Variants in KIF5C observed in about 807,000 individuals in gnomAD.
KIF5C encodes kinesin family member 5C, also known as kinesin heavy chain isoform 5C.
Under a neutral mutation model 125.2 loss-of-function variants are expected in KIF5C, and 18 were observed. The ratio of observed to expected loss-of-function variants is 0.14; its 90% CI spans 0.10 to 0.21. The LOEUF is 0.21. KIF5C is among the 10% of genes least tolerant of loss of function. KIF5C has a pLI of 1.00. For missense variants in KIF5C, 780 were observed against 1,183.8 expected (o/e 0.66, Z 5.01); for synonymous variants, 405 against 434.0 (o/e 0.93, Z 0.83).
chr2:148,880,189 T>A (rs12615452), intron 1 of KIF5C, among the ~76,000 whole-genome samples: 84,673 of 151,930 alleles, frequency 0.56, 25,976 homozygotes, highest in South Asian at 0.76. Flanking sequence ...GGTGTGACCC[T>A]GGCTTATCGC....
intron 1 of KIF5C, among the ~76,000 whole-genome samples, chr2:148,900,824 A>G (rs569379875): frequency 5.2e-4 from 79 of 152,250 alleles, no homozygotes; most frequent in African/African-American, 1.9e-3. Flanking sequence ...TTGGAAAGCA[A>G]GTGTAGGAGT....
chr2:148,981,563 T>C lies in KIF5C; in HGVS notation c.1569+2T>C. ...ACAGACGAGCTGGCCCAGAAAACGG[T>C]TGGAGCATTTGTGTCTAGGGGGTGG... On this transcript the variant is annotated splice_donor_variant, in intron 14 of 25. Transcript: ENST00000435030. LOFTEE classifies it high-confidence loss of function. 1 of 1,585,996 alleles carries C rather than the reference T, an allele frequency of 6.3e-7. No individual in the cohort carries two copies.
chr2:148,966,975 A>G (rs940731045), intron 11 of KIF5C, among the ~76,000 whole-genome samples: 1 of 152,144 alleles, frequency 6.6e-6, no homozygotes, highest in African/African-American at 2.4e-5. Context: ...CACCCAGTCT[A>G]TGGTACTTTC....
chr2:149,003,724 A>G (rs1479148265), intron 21 of KIF5C, among the ~76,000 whole-genome samples: 1 of 152,212 alleles, frequency 6.6e-6, no homozygotes, highest in African/African-American at 2.4e-5. Context: ...ACCCTTCCCA[A>G]ACTGTTTATT....
intron 10 of KIF5C, among the ~76,000 whole-genome samples, chr2:148,954,705 A>G (rs1282681528): frequency 6.6e-6 from 1 of 152,170 alleles, no homozygotes. Context: ...TCTTTTCCTG[A>G]TGTGCACTTA....
At chr2:148,902,122 C>T (rs1680928891) in intron 1 of KIF5C, among the ~76,000 whole-genome samples, 2 of 152,162 alleles carry the variant, frequency 1.3e-5, no homozygotes, top group Admixed American at 6.5e-5. Context: ...AATGGAAATC[C>T]TTTCTTTCCC....
chr2:148,881,718 T>TCAGGTTTCC (rs1681361423), intron 1 of KIF5C, among the ~76,000 whole-genome samples: 1 of 151,506 alleles, frequency 6.6e-6, no homozygotes, highest in African/African-American at 2.5e-5. Context: ...AGTCCTTACC[T>TCAGGTTTCC]CTAAATCATC....
intron 15 of KIF5C, among the ~76,000 whole-genome samples, chr2:148,984,707 C>G (rs1480837289): frequency 6.6e-6 from 1 of 152,208 alleles, no homozygotes; most frequent in Non-Finnish European, 1.5e-5. Context: ...GCAAAGGGGA[C>G]TGGGATTACT....
At chr2:148,993,368 C>T (rs879420968) in intron 16 of KIF5C, among the ~76,000 whole-genome samples, 3 of 152,186 alleles carry the variant, frequency 2.0e-5, no homozygotes, top group Non-Finnish European at 2.9e-5. Context: ...GCATCAGCAA[C>T]AAACACAGCT....
intron 1 of KIF5C, among the ~76,000 whole-genome samples, chr2:148,921,092 C>T (rs1343425590): frequency 6.6e-6 from 1 of 152,176 alleles, no homozygotes; most frequent in Non-Finnish European, 1.5e-5. Context: ...CTGTCCCACC[C>T]ACCACTTCCC....
At chr2:149,020,312 TC>T (rs1389151701) in intron 25 of KIF5C, 1 of 152,108 alleles carries the variant, frequency 6.6e-6, no homozygotes, top group Admixed American at 6.5e-5. Flanking sequence ...GAACGCTGCA[TC>T]CTAGTAAAGA....
chr2:148,947,860 C>T (rs1038026946), intron 8 of KIF5C: 41 of 456,400 alleles, frequency 9.0e-5, no homozygotes, highest in Admixed American at 6.6e-4. Context: ...TGAAGGCCAG[C>T]CTTGAAGCTT....
chr2:148,881,282 C>A (rs1227546042), intron 1 of KIF5C, among the ~76,000 whole-genome samples: 2 of 152,088 alleles, frequency 1.3e-5, no homozygotes, highest in Non-Finnish European at 2.9e-5. Flanking sequence ...CCACTGTTTT[C>A]ATCTATTTCT....
At chr2:148,943,300 G>A (rs1341518865) in intron 7 of KIF5C, among the ~76,000 whole-genome samples, 2 of 152,138 alleles carry the variant, frequency 1.3e-5, no homozygotes, top group Admixed American at 6.5e-5. Flanking sequence ...CATTCAGATC[G>A]GCTCATTGGC....
Position 149,010,308 on chromosome 2 carries a change from G to A in KIF5C, c.2724G>A (p.Val908=). 6.3e-7 allele frequency: 1 copy of A among 1,594,828 alleles called. No individual in the cohort carries two copies. Among genetic ancestry groups the A allele is most frequent in the Non-Finnish European group, 8.5e-7 (1 of 1,171,158 alleles). ...QQEVDRIKEA[V]RAKNMARRAH... ...AGGTGGATCGTATCAAGGAGGCCGT[G>A]CGGGCCAAGAACATGGCCAGAAGGG... is the stretch of plus-strand genomic sequence containing the variant. The change falls in exon 24 of 26, where the codon GTG becomes GTA. Residue 908 remains valine, a synonymous_variant. Transcript: ENST00000435030.
rs1574677912 is a variant in KIF5C at position 148,875,488 on chromosome 2, C to T, written c.-130C>T. ...AGCCGGCCGGGCTCGCGATGACCTG[C>T]TGAGAAGCGTCGTCGGAGGCTGCAG... On this transcript the variant is annotated 5_prime_UTR_variant, in exon 1 of 26. Coordinates refer to ENST00000435030, the MANE Select transcript of KIF5C (RefSeq NM_004522.3). The T allele has an allele frequency of 1.8e-5, 14 of 764,332 alleles. No homozygotes were observed. In the East Asian group the frequency reaches 3.9e-4, roughly 21 times the overall value. The allele number at this position is 764,332 out of a possible 1,614,324, so 47.3% of individuals were successfully genotyped here. A position where few individuals can be genotyped will look rare whatever the true frequency, so the allele number is the denominator to read the frequency against.
chr2:148,990,904 C>T (rs916310153), intron 15 of KIF5C, 106 bp from the exon 16 acceptor site: 1 of 1,444,468 alleles, frequency 6.9e-7, no homozygotes, highest in African/African-American at 1.4e-5. Flanking sequence ...GGATTCTGAA[C>T]CAGAAATCCA....
chr2:148,913,770 C>T (rs1681437850), intron 1 of KIF5C, among the ~76,000 whole-genome samples: 1 of 152,330 alleles, frequency 6.6e-6, no homozygotes, highest in South Asian at 2.1e-4. Context: ...AGAGAGAAGG[C>T]TCAGTGCTAT....
intron 1 of KIF5C, among the ~76,000 whole-genome samples, chr2:148,886,837 T>C (rs1681541912): frequency 6.6e-6 from 1 of 152,236 alleles, no homozygotes; most frequent in Non-Finnish European, 1.5e-5. Context: ...GGATATATCC[T>C]AGAGTAACAG....
Sources: gnomAD v4.1 joint callset for allele counts (sites outside exome capture counted in the v4.1 genomes callset) on GRCh38, gnomAD v4.1.1 for gene constraint, MANE v1.5 for transcripts, NCBI Gene and HGNC (gene_info 2026-07-23, HGNC 2026-07-21) for gene names.